The following MAPK10 variants were observed in gnomAD, a reference collection of about 807,000 sequenced individuals.
MAPK10 encodes mitogen-activated protein kinase 10.
In MAPK10, 25 loss-of-function variants were observed where a neutral mutation model predicts 59.3. That is an observed-to-expected ratio of 0.42 (90% CI 0.31 to 0.59). The LOEUF (loss-of-function observed/expected upper bound fraction) is 0.59, where lower values mean the gene tolerates loss of function less well. MAPK10 is among the 20% of genes least tolerant of loss of function. The probability of loss-of-function intolerance (pLI) is 0.15; values close to 1 mark genes in which losing one functional copy is unlikely to be tolerated. For missense variants in MAPK10, 351 were observed against 568.9 expected (o/e 0.62, Z 3.90); for synonymous variants, 190 against 200.5 (o/e 0.95, Z 0.44).
At chr4:86,115,689 G>C (rs1246992827) in intron 4 of MAPK10, among the ~76,000 whole-genome samples, 1 of 152,088 alleles carries the variant, frequency 6.6e-6, no homozygotes, top group Non-Finnish European at 1.5e-5. Context: ...TCAAACTCCT[G>C]ACCTCAAGTA....
chr4:86,022,464 G>A (rs946775034), intron 13 of MAPK10, among the ~76,000 whole-genome samples: 6 of 151,918 alleles, frequency 3.9e-5, no homozygotes, highest in Non-Finnish European at 8.8e-5. Context: ...TTATTGAGTT[G>A]TAAGCTCTTT....
chr4:86,262,612 A>T (rs2094043854), intron 2 of MAPK10, among the ~76,000 whole-genome samples: 1 of 152,216 alleles, frequency 6.6e-6, no homozygotes, highest in Non-Finnish European at 1.5e-5. Context: ...GACATATAGT[A>T]GAACTGAAGA....
chr4:86,304,941 G>A (rs938116894), intron 2 of MAPK10, among the ~76,000 whole-genome samples: 13 of 152,118 alleles, frequency 8.5e-5, no homozygotes, highest in African/African-American at 3.1e-4. Flanking sequence ...TTTAGGGACA[G>A]TGTTGTCTGA....
At chr4:86,458,145 C>T (rs1579290778), upstream of MAPK10, among the ~76,000 whole-genome samples, 1 of 152,036 alleles carries the variant, frequency 6.6e-6, no homozygotes, top group Non-Finnish European at 1.5e-5. Context: ...TAAAAAAATA[C>T]AAAAATTAGC....
intron 3 of MAPK10, among the ~76,000 whole-genome samples, chr4:86,183,840 T>C (rs1458627969): frequency 6.6e-6 from 1 of 152,200 alleles, no homozygotes; most frequent in Non-Finnish European, 1.5e-5. Flanking sequence ...TTCTAACTGG[T>C]GTGAGACAGT....
chr4:86,234,730 C>A lies in MAPK10; in HGVS notation c.-6-40323G>T, dbSNP rs73834256. Among the ~76,000 whole-genome samples the A allele has an allele frequency of 5.5e-3, 834 of 151,952 alleles. 8 individuals carry two copies. Among genetic ancestry groups the A allele is most frequent in the African/African-American group, 0.019 (793 of 41,496 alleles). On this transcript the variant is annotated intron_variant, in intron 2 of 13. Transcript: ENST00000641462. ...TTAATATGGATTTTTATTTAAAGAC[C>A]CCAGAGTTAATCCTTCAGTTCTCAA...
At chr4:86,047,158 C>G (rs1160096767) in intron 11 of MAPK10, among the ~76,000 whole-genome samples, 1 of 151,922 alleles carries the variant, frequency 6.6e-6, no homozygotes, top group Non-Finnish European at 1.5e-5. Flanking sequence ...CATATGAAAC[C>G]CTGACCCAGA....
At chr4:86,526,177 G>A (rs938980938) in intron 1 of MAPK10, among the ~76,000 whole-genome samples, 3 of 152,084 alleles carry the variant, frequency 2.0e-5, no homozygotes, top group South Asian at 2.1e-4. Flanking sequence ...GGTAGATTTC[G>A]GCTGTAAATC....
Position 86,360,026 on chromosome 4 carries a change from T to A in MAPK10, c.-490A>T. On this transcript the variant is annotated 5_prime_UTR_variant, in exon 1 of 14. Coordinates refer to ENST00000641462, the MANE Select transcript of MAPK10 (RefSeq NM_138982.4). ...CTCTTTCACTGCCTGGAAACCATTG[T>A]GCAGCGTGATGCTGCCTGTACCATT... The A allele has an allele frequency of 4.1e-6, 4 of 985,858 alleles. No homozygotes were observed. Among genetic ancestry groups the A allele is most frequent in the Non-Finnish European group, 4.8e-6 (4 of 829,954 alleles). 61.1% of individuals were successfully genotyped at this position (985,858 alleles called of 1,614,324 possible). A position where few individuals can be genotyped will look rare whatever the true frequency, so the allele number is the denominator to read the frequency against.
At chr4:86,080,001 G>T (rs956560242) in intron 9 of MAPK10, 7 of 152,118 alleles carry the variant, frequency 4.6e-5, no homozygotes, top group East Asian at 1.9e-4. Flanking sequence ...ACCTTTTAAT[G>T]TAAGTATCAT....
chr4:86,454,114 A>C (rs1432520056), upstream of MAPK10, among the ~76,000 whole-genome samples: 1 of 152,236 alleles, frequency 6.6e-6, no homozygotes, highest in Non-Finnish European at 1.5e-5. Flanking sequence ...GAACTGAACA[A>C]CAGCCTTCAG....
intron 4 of MAPK10, among the ~76,000 whole-genome samples, chr4:86,113,034 C>T (rs1015236612): frequency 1.3e-5 from 2 of 151,772 alleles, no homozygotes; most frequent in African/African-American, 4.8e-5. Context: ...ACCAGGATTG[C>T]AACCCCTGCC....
intron 3 of MAPK10, among the ~76,000 whole-genome samples, chr4:86,172,751 AAAAAAT>A (rs1300190092): frequency 6.6e-6 from 1 of 150,988 alleles, no homozygotes; most frequent in African/African-American, 2.5e-5. Context: ...AGAAACATGA[AAAAAAT>A]AAAAATAAAA....
chr4:86,359,262 T>TG (rs1564707777), intron 1 of MAPK10, among the ~76,000 whole-genome samples: 1 of 15,620 alleles, frequency 6.4e-5, no homozygotes. Flanking sequence ...GTTTTTTTTT[T>TG]CCTCTCTCTC....
chr4:86,336,679 C>T (rs1167533533), intron 2 of MAPK10: 1 of 152,066 alleles, frequency 6.6e-6, no homozygotes, highest in Non-Finnish European at 1.5e-5. Context: ...ACATTCTCCT[C>T]GACCATACCT....
chr4:86,443,515 C>T (rs777888868), intron 1 of MAPK10, among the ~76,000 whole-genome samples: 3 of 150,916 alleles, frequency 2.0e-5, no homozygotes, highest in Non-Finnish European at 4.4e-5. Context: ...GCAAGGAGAA[C>T]CGAGAAGCAC....
chr4:86,128,347 G>A (rs979260731), intron 4 of MAPK10, among the ~76,000 whole-genome samples: 7 of 151,960 alleles, frequency 4.6e-5, no homozygotes, highest in Admixed American at 2.6e-4. Flanking sequence ...TAATCCCCAC[G>A]TGTCCTGAGA....
intron 2 of MAPK10, among the ~76,000 whole-genome samples, chr4:86,255,878 T>A (rs1483269979): frequency 6.6e-6 from 1 of 152,164 alleles, no homozygotes; most frequent in East Asian, 1.9e-4. Context: ...TCCTTAAGAA[T>A]GGAGAATATG....
intron 1 of MAPK10, among the ~76,000 whole-genome samples, chr4:86,368,983 A>G (rs996987826): frequency 1.3e-5 from 2 of 152,220 alleles, no homozygotes; most frequent in Admixed American, 1.3e-4. Flanking sequence ...TGTGAGATAA[A>G]GAAAGTTATT....
Sources: gnomAD v4.1 joint callset for allele counts (sites outside exome capture counted in the v4.1 genomes callset) on GRCh38, gnomAD v4.1.1 for gene constraint, MANE v1.5 for transcripts, NCBI Gene and HGNC (gene_info 2026-07-23, HGNC 2026-07-21) for gene names.